The following TGFBR3 variants were observed in gnomAD, a reference collection of about 807,000 sequenced individuals.
The protein encoded by TGFBR3 is transforming growth factor beta receptor type 3.
In TGFBR3, 46 loss-of-function variants were observed where a neutral mutation model predicts 87.9. The ratio of observed to expected loss-of-function variants is 0.52; its 90% confidence interval spans 0.41 to 0.67. The LOEUF (loss-of-function observed/expected upper bound fraction) is 0.67. TGFBR3 is among the 30% of genes least tolerant of loss of function. TGFBR3 has a pLI of 0.00. For missense variants in TGFBR3, 866 were observed against 1,041.9 expected, an observed-to-expected ratio of 0.83 and a Z score of 2.32; for synonymous variants, 381 against 391.6, an observed-to-expected ratio of 0.97 and a Z score of 0.32.
chr1:91,904,499 C>T (rs531068673), intron 1 of TGFBR3, among the ~76,000 whole-genome samples: 2 of 151,234 alleles, frequency 1.3e-5, no homozygotes, highest in East Asian at 1.9e-4. Flanking sequence ...CGGGTTCAAG[C>T]AATTCTCCTG....
intron 14 of TGFBR3, 114 bp from the exon 15 acceptor site, chr1:91,698,244 A>T: frequency 1.1e-6 from 1 of 897,156 alleles, no homozygotes; most frequent in South Asian, 1.4e-5. Flanking sequence ...AAATACTGTG[A>T]GAAAGCTCTG....
At chr1:91,894,293 C>A (rs1041459528) in intron 2 of TGFBR3, among the ~76,000 whole-genome samples, 6 of 152,144 alleles carry the variant, frequency 3.9e-5, no homozygotes, top group African/African-American at 1.4e-4. Flanking sequence ...TTCCCTCTTG[C>A]AATTGCAGCC....
At chr1:91,891,633 A>T (rs1370948927) in intron 2 of TGFBR3, among the ~76,000 whole-genome samples, 1 of 152,226 alleles carries the variant, frequency 6.6e-6, no homozygotes, top group Non-Finnish European at 1.5e-5. Flanking sequence ...TGTCTAATAC[A>T]GCCAACAGCT....
At chr1:91,755,866 T>C (rs1290337202) in intron 4 of TGFBR3, among the ~76,000 whole-genome samples, 3 of 152,142 alleles carry the variant, frequency 2.0e-5, no homozygotes, top group African/African-American at 7.2e-5. Flanking sequence ...CCCCTTTTGA[T>C]CTGGGGCCAG....
In TGFBR3 at chr1:91,682,881, C is replaced by T. The variant is rs555519876; in HGVS notation, c.*858G>A. On this transcript the variant is annotated 3_prime_UTR_variant, in exon 17 of 17. Transcript: ENST00000212355. ...ATAGAAATATATCACTGTGCAAATT[C>T]GTCCTTGACTTTATAACTGAATTTC... The T allele has an allele frequency of 1.5e-5, 7 of 452,724 alleles. No homozygotes were observed. The highest frequency in any genetic ancestry group is 1.4e-4 in the East Asian group (2 of 14,352). 28.0% of individuals were successfully genotyped at this position (452,724 alleles called of 1,614,324 possible). A position where few individuals can be genotyped will look rare whatever the true frequency, so the allele number is the denominator to read the frequency against.
At chr1:91,852,221 G>A (rs1677763361) in intron 2 of TGFBR3, among the ~76,000 whole-genome samples, 1 of 152,030 alleles carries the variant, frequency 6.6e-6, no homozygotes, top group African/African-American at 2.4e-5. Context: ...ACTCCAGCCT[G>A]GGCAACAGAG....
At chr1:91,901,577 TCAAA>T (rs1679720214) in intron 1 of TGFBR3, among the ~76,000 whole-genome samples, 1 of 152,144 alleles carries the variant, frequency 6.6e-6, no homozygotes, top group African/African-American at 2.4e-5. Flanking sequence ...TTTAAAGACA[TCAAA>T]CTAACTTTTT....
At chr1:91,845,448 CCTT>C (rs1677434057) in intron 2 of TGFBR3, among the ~76,000 whole-genome samples, 1 of 152,174 alleles carries the variant, frequency 6.6e-6, no homozygotes, top group Non-Finnish European at 1.5e-5. Context: ...TCTGAAATAT[CCTT>C]CTATACTTTG....
At chr1:91,740,076 T>C (rs1673108811) in intron 4 of TGFBR3, among the ~76,000 whole-genome samples, 2 of 152,210 alleles carry the variant, frequency 1.3e-5, no homozygotes, top group African/African-American at 4.8e-5. Context: ...TATTATTTTT[T>C]GAGATGGAGT....
At chr1:91,734,701 T>C in intron 5 of TGFBR3, 75 bp downstream of exon 5, 1 of 1,568,720 alleles carries the variant, frequency 6.4e-7, no homozygotes, top group Non-Finnish European at 8.8e-7. Flanking sequence ...TTCCTTGCCC[T>C]AACCACCTGG....
intron 16 of TGFBR3, among the ~76,000 whole-genome samples, chr1:91,685,315 CTTT>C (rs71585124): frequency 1.2e-3 from 124 of 100,668 alleles, no homozygotes; most frequent in Middle Eastern, 0.011. Flanking sequence ...GAAGCACTGC[CTTT>C]TTTTTTTTTT....
intron 3 of TGFBR3, among the ~76,000 whole-genome samples, chr1:91,774,575 A>C (rs1204469978): frequency 5.3e-5 from 8 of 152,242 alleles, no homozygotes; most frequent in Admixed American, 5.2e-4. Context: ...TCCCACTGTC[A>C]GGTTCTCAAA....
chr1:91,842,651 G>A (rs1677328657), intron 2 of TGFBR3, among the ~76,000 whole-genome samples: 1 of 152,084 alleles, frequency 6.6e-6, no homozygotes, highest in South Asian at 2.1e-4. Flanking sequence ...AACAGCAAAT[G>A]CATTCTGCCC....
intron 8 of TGFBR3, 33 bp downstream of exon 8, chr1:91,721,922 T>C (rs748581007): frequency 5.6e-6 from 9 of 1,602,220 alleles, no homozygotes; most frequent in Non-Finnish European, 7.7e-6. Context: ...TTGGGGGGTA[T>C]TTTTTACATA....
At chr1:91,802,848 C>G (rs1649154171) in intron 2 of TGFBR3, among the ~76,000 whole-genome samples, 1 of 152,144 alleles carries the variant, frequency 6.6e-6, no homozygotes, top group African/African-American at 2.4e-5. Context: ...TGGCACCAAC[C>G]TGGGGGAGGT....
In TGFBR3 at chr1:91,804,839, G is replaced by A. The variant is rs141532629; in HGVS notation, c.62-7368C>T. Reference sequence around the variant, plus strand: ...GGCCACGGCTGAAAACCCACATCCCGTCTTCCCTACGCAATCTCTTCCCTG... The same window carrying A: ...GGCCACGGCTGAAAACCCACATCCCATCTTCCCTACGCAATCTCTTCCCTG... On this transcript the variant is annotated intron_variant, in intron 2 of 16. Transcript: ENST00000212355. Among the ~76,000 whole-genome samples, 155 of 152,222 alleles carry A rather than the reference G, an allele frequency of 1.0e-3. 1 individual carries two copies. The highest frequency in any genetic ancestry group is 3.4e-3 in the African/African-American group (141 of 41,536).
chr1:91,859,113 T>C (rs1678078630), intron 2 of TGFBR3, among the ~76,000 whole-genome samples: 1 of 152,064 alleles, frequency 6.6e-6, no homozygotes, highest in Non-Finnish European at 1.5e-5. Flanking sequence ...AGCAAAGCCT[T>C]GAGTGTGTAT....
rs1394730874 is a variant in TGFBR3, at chr1:91,797,291, C to T, written c.242G>A (p.Arg81Lys). 6.2e-7 allele frequency: 1 copy of T among 1,614,120 alleles called. No homozygotes were observed. Among genetic ancestry groups the T allele is most frequent in the South Asian group, 1.1e-5 (1 of 91,052 alleles). ...TAGQGPGQLQ[R>K]EVTLHLNPIS... ...AGAGCTGACACCTGCACCTACCTCT[C>T]TCTGTAGCTGGCCAGGCCCCTGGCC... The change falls in exon 3 of 17, where the codon AGA becomes AAA. Residue 81 changes from arginine (R) to lysine (K), a missense_variant. Physicochemically the swap from Arg to Lys is conservative, Grantham distance 26. Transcript: ENST00000212355.
At chr1:91,806,311 C>T (rs937304272) in intron 2 of TGFBR3, among the ~76,000 whole-genome samples, 2 of 152,188 alleles carry the variant, frequency 1.3e-5, no homozygotes, top group African/African-American at 4.8e-5. Flanking sequence ...ATCTCAGTTA[C>T]AGAACCCCCA....
Sources: allele counts gnomAD v4.1 joint callset (sites outside exome capture counted in the v4.1 genomes callset), GRCh38; gene constraint gnomAD v4.1.1; transcripts MANE v1.5; gene names NCBI Gene and HGNC (gene_info 2026-07-23, HGNC 2026-07-21).